Variants in LINGO2 observed in about 807,000 individuals in gnomAD.
LINGO2 encodes leucine-rich repeat and immunoglobulin-like domain-containing nogo receptor-interacting protein 2.
LINGO2 carries 14 observed loss-of-function variants against 30.6 expected under a neutral mutation model. That is an observed-to-expected ratio of 0.46 (90% CI 0.30 to 0.72). The LOEUF is 0.72. Among genes scored for constraint, LINGO2 ranks in the 30% least tolerant of loss-of-function variants. The probability of loss-of-function intolerance (pLI) is 0.07; values close to 1 mark genes in which losing one functional copy is unlikely to be tolerated. For missense variants in LINGO2, 729 were observed against 751.7 expected (o/e 0.97, Z 0.35); for synonymous variants, 317 against 288.5 (o/e 1.10, Z -1.00).
At chr9:28,837,314 T>C in the LINGO2 span, among the ~76,000 whole-genome samples, 1 of 152,068 alleles carries the variant, frequency 6.6e-6, no homozygotes, top group Non-Finnish European at 1.5e-5. Context: ...GCTCCAAGAA[T>C]GGGACTGGTT....
At chr9:28,022,901 T>C (rs1402984887) in intron 4 of LINGO2, among the ~76,000 whole-genome samples, 1 of 151,926 alleles carries the variant, frequency 6.6e-6, no homozygotes, top group African/African-American at 2.4e-5. Context: ...TTTGGGAGGC[T>C]TCTATTGTGA....
At chr9:29,117,633 A>T in the LINGO2 span, among the ~76,000 whole-genome samples, 1 of 152,170 alleles carries the variant, frequency 6.6e-6, no homozygotes, top group East Asian at 1.9e-4. Context: ...AGCCAAGAGC[A>T]ATTTTCAGGA....
the LINGO2 span, among the ~76,000 whole-genome samples, chr9:28,753,350 G>A: frequency 5.3e-5 from 8 of 151,872 alleles, no homozygotes; most frequent in Non-Finnish European, 7.4e-5. Context: ...AAAGTATTTC[G>A]TTCATTCAAC....
chr9:28,790,146 C>A, the LINGO2 span, among the ~76,000 whole-genome samples: 1 of 152,052 alleles, frequency 6.6e-6, no homozygotes, highest in African/African-American at 2.4e-5. Flanking sequence ...CTTCGTCCTG[C>A]CTGGGACATA....
In LINGO2 at chr9:28,219,425, G is replaced by T. The variant is rs144172701; in HGVS notation, c.-87+75783C>A. Among the ~76,000 whole-genome samples the T allele has an allele frequency of 2.4e-3, 370 of 152,106 alleles. 8 individuals carry two copies. In the South Asian group the frequency reaches 0.051, roughly 21 times the overall value. ...CTTATTTTAGAGGTTCTTTTTTAAG[G>T]TCTCATAAATAGCAAGAATAATGCC... On this transcript the variant is annotated intron_variant, in intron 4 of 5. Transcript: ENST00000379992.
chr9:28,553,862 G>A (rs1192860266), intron 1 of LINGO2, among the ~76,000 whole-genome samples: 1 of 152,042 alleles, frequency 6.6e-6, no homozygotes, highest in Non-Finnish European at 1.5e-5. Flanking sequence ...TTGAAGAAAA[G>A]AATTTTCGAC....
chr9:28,371,083 G>A (rs1820877278), intron 3 of LINGO2, among the ~76,000 whole-genome samples: 1 of 152,006 alleles, frequency 6.6e-6, no homozygotes, highest in Admixed American at 6.6e-5. Flanking sequence ...TTCAAATTTG[G>A]GCCCCTTCAC....
Position 27,963,357 on chromosome 9 carries a change from C to CTCA in LINGO2, c.-35-12654_-35-12652dup, listed in dbSNP as rs373786779. 5.6e-3 allele frequency among the ~76,000 whole-genome samples: 845 copies of CTCA among 152,010 alleles called. 7 individuals carry two copies. Among genetic ancestry groups the CTCA allele is most frequent in the African/African-American group, 0.019 (795 of 41,460 alleles). ...TAGGACTACACTTCAGAAAGATGTC[C>CTCA]TCAAACAGATACAGTGATAAGGAGA... On this transcript the variant is annotated intron_variant, in intron 5 of 5. Transcript: ENST00000379992.
At chr9:28,232,123 G>A (rs1002025188) in intron 4 of LINGO2, among the ~76,000 whole-genome samples, 7 of 152,032 alleles carry the variant, frequency 4.6e-5, no homozygotes, top group South Asian at 2.1e-4. Context: ...AAGAGGCTGG[G>A]CACGGTGGCT....
chr9:29,136,672 T>C, the LINGO2 span, among the ~76,000 whole-genome samples: 1 of 152,270 alleles, frequency 6.6e-6, no homozygotes, highest in South Asian at 2.1e-4. Context: ...TTATTAAATA[T>C]TGCTGTTTCC....
At chr9:28,768,864 C>T in the LINGO2 span, among the ~76,000 whole-genome samples, 77 of 152,072 alleles carry the variant, frequency 5.1e-4, no homozygotes, top group African/African-American at 1.8e-3. Flanking sequence ...TAATTTCTCA[C>T]TTGCTTTATC....
intron 3 of LINGO2, among the ~76,000 whole-genome samples, chr9:28,320,249 T>A (rs1041565245): frequency 1.3e-5 from 2 of 152,140 alleles, no homozygotes; most frequent in African/African-American, 4.8e-5. Flanking sequence ...GTCATATATC[T>A]TATTAGTATG....
chr9:28,240,618 C>T (rs1349696992), intron 4 of LINGO2, among the ~76,000 whole-genome samples: 7 of 152,132 alleles, frequency 4.6e-5, no homozygotes, highest in Non-Finnish European at 5.9e-5. Context: ...TGATCCCCAT[C>T]TCTTATCTTA....
At chr9:28,577,497 T>C (rs1824047826) in intron 1 of LINGO2, among the ~76,000 whole-genome samples, 1 of 152,056 alleles carries the variant, frequency 6.6e-6, no homozygotes, top group South Asian at 2.1e-4. Flanking sequence ...TCCACAACAC[T>C]ATCTTTAAAA....
At chr9:28,940,431 T>C in the LINGO2 span, among the ~76,000 whole-genome samples, 1 of 151,482 alleles carries the variant, frequency 6.6e-6, no homozygotes, top group Admixed American at 6.6e-5. Context: ...GTTCTTTGAA[T>C]CTCTACTTAA....
At chr9:28,253,862 A>G (rs970446516) in intron 4 of LINGO2, among the ~76,000 whole-genome samples, 3 of 152,132 alleles carry the variant, frequency 2.0e-5, no homozygotes, top group African/African-American at 7.2e-5. Flanking sequence ...ACTGGGAAAA[A>G]TGTGCACGGG....
the LINGO2 span, among the ~76,000 whole-genome samples, chr9:29,094,876 A>C: frequency 7.2e-6 from 1 of 139,208 alleles, no homozygotes; most frequent in Non-Finnish European, 1.6e-5. Context: ...GCACTGTTCT[A>C]GACCATTACA....
the LINGO2 span, among the ~76,000 whole-genome samples, chr9:28,839,518 T>G: frequency 5.5e-4 from 83 of 152,024 alleles, no homozygotes; most frequent in Middle Eastern, 3.4e-3. Context: ...TAGCTCCTAT[T>G]TATAGGCAGG....
At chr9:28,529,448 T>G (rs537598218) in intron 1 of LINGO2, among the ~76,000 whole-genome samples, 111 of 152,226 alleles carry the variant, frequency 7.3e-4, no homozygotes, top group African/African-American at 2.6e-3. Flanking sequence ...TGTTATCCCT[T>G]AATATATTCC....
Sources: gnomAD v4.1 joint callset for allele counts (sites outside exome capture counted in the v4.1 genomes callset) on GRCh38, gnomAD v4.1.1 for gene constraint, MANE v1.5 for transcripts, NCBI Gene and HGNC (gene_info 2026-07-23, HGNC 2026-07-21) for gene names.